The following GMPS variants were observed in gnomAD, a reference collection of about 807,000 sequenced individuals.
The protein encoded by GMPS is GMP synthase [glutamine-hydrolyzing].
In GMPS, 15 loss-of-function variants were observed where a neutral mutation model predicts 77.9. That is an observed-to-expected ratio of 0.19 (90% CI 0.13 to 0.30). The LOEUF is 0.30. GMPS is among the 10% of genes least tolerant of loss of function. The pLI is 1.00. For missense variants in GMPS, 590 were observed against 838.8 expected, an observed-to-expected ratio of 0.70 and a Z score of 3.66; for synonymous variants, 224 against 275.9, an observed-to-expected ratio of 0.81 and a Z score of 1.86.
At chr3:155,906,320 G>A in intron 5 of GMPS, 57 bp downstream of exon 5, 1 of 952,742 alleles carries the variant, frequency 1.0e-6, no homozygotes. Flanking sequence ...TGAAGAGTAA[G>A]CATATGCTTC....
chr3:155,928,648 T>C (rs370675524), intron 12 of GMPS, among the ~76,000 whole-genome samples: 2 of 149,760 alleles, frequency 1.3e-5, no homozygotes, highest in Non-Finnish European at 3.0e-5. Context: ...AACTCGTCAT[T>C]TAGCATTAGG....
intron 2 of GMPS, 69 bp from the exon 3 acceptor site, chr3:155,897,858 G>A: frequency 3.7e-6 from 3 of 812,138 alleles, no homozygotes; most frequent in Non-Finnish European, 6.5e-6. Flanking sequence ...AGTGGTACAA[G>A]GGAGAGAGGG....
At chr3:155,914,645 A>G (rs1755127522) in intron 8 of GMPS, 75 bp downstream of exon 8, 4 of 934,760 alleles carry the variant, frequency 4.3e-6, no homozygotes, top group African/African-American at 3.4e-5. Context: ...CCTTGTCACT[A>G]TATCAAATAA....
chr3:155,909,903 C>CT (rs1754984564), intron 5 of GMPS, among the ~76,000 whole-genome samples: 1 of 151,128 alleles, frequency 6.6e-6, no homozygotes, highest in South Asian at 2.1e-4. Context: ...GATTACACCT[C>CT]TGCACTCCAG....
In GMPS at chr3:155,938,693, ATAT is replaced by A; in HGVS notation, c.*1006_*1008del. ...GAGCTTTTAAATCTAATCTATAGAC[ATAT>A]TATTCATTGCTCAGACACCTGTGAA... On this transcript the variant is annotated 3_prime_UTR_variant, in exon 16 of 16. Coordinates refer to ENST00000496455, the MANE Select transcript of GMPS (RefSeq NM_003875.3). 4.9e-6 allele frequency: 1 copy of A among 202,148 alleles called. No homozygotes were observed. The highest frequency in any genetic ancestry group is 7.6e-5 in the East Asian group (1 of 13,076). The allele number at this position is 202,148 out of a possible 1,614,324, so 12.5% of individuals were successfully genotyped here.
At chr3:155,874,721 A>C (rs1753993292) in intron 1 of GMPS, among the ~76,000 whole-genome samples, 1 of 152,118 alleles carries the variant, frequency 6.6e-6, no homozygotes, top group East Asian at 1.9e-4. Flanking sequence ...AAAATAATTC[A>C]GTCTTTTAAG....
chr3:155,885,083 C>T (rs935995793), intron 1 of GMPS, among the ~76,000 whole-genome samples: 7 of 152,158 alleles, frequency 4.6e-5, no homozygotes, highest in African/African-American at 9.7e-5. Flanking sequence ...AAACAATATA[C>T]GTAACACGTA....
At chr3:155,882,164 A>G (rs1754221984) in intron 1 of GMPS, among the ~76,000 whole-genome samples, 1 of 152,216 alleles carries the variant, frequency 6.6e-6, no homozygotes, top group Non-Finnish European at 1.5e-5. Flanking sequence ...GCTTGAGCCC[A>G]GTGACAAAGG....
chr3:155,935,937 T>A (rs920090118), intron 14 of GMPS, among the ~76,000 whole-genome samples: 1 of 152,196 alleles, frequency 6.6e-6, no homozygotes, highest in Non-Finnish European at 1.5e-5. Flanking sequence ...TAAAACAAGG[T>A]TATATATTAA....
Position 155,870,748 on chromosome 3 carries a change from C to T in GMPS, c.-123C>T. On this transcript the variant is annotated 5_prime_UTR_variant, in exon 1 of 16. Transcript: ENST00000496455. Reference sequence around the variant, plus strand: ...TTTTCTGGCGGCTGGCTCCTCTCCGCTGCCGGCTGCTCCTCGACCAGGCCT... The same window carrying T: ...TTTTCTGGCGGCTGGCTCCTCTCCGTTGCCGGCTGCTCCTCGACCAGGCCT... The T allele has an allele frequency of 4.6e-6, 3 of 652,016 alleles. No individual in the cohort carries two copies. The highest frequency in any genetic ancestry group is 7.9e-6 in the Non-Finnish European group (3 of 380,566). 40.4% of individuals were successfully genotyped at this position (652,016 alleles called of 1,614,324 possible).
At chr3:155,929,123 C>T (rs528626457) in intron 12 of GMPS, among the ~76,000 whole-genome samples, 73 of 151,804 alleles carry the variant, frequency 4.8e-4, no homozygotes, top group African/African-American at 1.3e-3. Context: ...CTGATTTCCA[C>T]AATGGTTGAA....
intron 1 of GMPS, among the ~76,000 whole-genome samples, chr3:155,881,451 C>T (rs993734875): frequency 1.3e-5 from 2 of 152,016 alleles, no homozygotes; most frequent in East Asian, 1.9e-4. Flanking sequence ...GGGTTACAGG[C>T]GTGAGCCACT....
chr3:155,883,906 T>C (rs62286804), intron 1 of GMPS, among the ~76,000 whole-genome samples: 8,306 of 152,164 alleles, frequency 0.055, 317 homozygotes, highest in East Asian at 0.18. Flanking sequence ...TTTTCAAAAT[T>C]GTGTATGTTG....
At position 155,943,938 on chromosome 3, in the gene GMPS, A is replaced by C. The variant is rs948850411; in HGVS notation, c.*6246A>C. ...TAACGGGGGACATAATGGACATAAA[A>C]CATTGGATAGCTTTTTATTTAAATG... is the stretch of plus-strand genomic sequence containing the variant. On this transcript the variant is annotated 3_prime_UTR_variant, in exon 16 of 16. Coordinates refer to ENST00000496455, the MANE Select transcript of GMPS (RefSeq NM_003875.3). 4 of 152,290 alleles carry C rather than the reference A, an allele frequency of 2.6e-5. No individual in the cohort carries two copies. The highest frequency in any genetic ancestry group is 7.2e-5 in the African/African-American group (3 of 41,466). 9.4% of individuals were successfully genotyped at this position (152,290 alleles called of 1,614,324 possible).
At position 155,914,399 on chromosome 3, in the gene GMPS, G is replaced by A. The variant is rs370877543; in HGVS notation, c.887-20G>A. ...AAAACATGTTATACCAATTTAAAAC[G>A]CTTCTCCCCTTTCCTCCAGTGATAA... On this transcript the variant is annotated intron_variant, in intron 7 of 15. Coordinates refer to ENST00000496455, the MANE Select transcript of GMPS (RefSeq NM_003875.3). 68 of 1,495,692 alleles carry A rather than the reference G, an allele frequency of 4.5e-5. No individual in the cohort carries two copies. The highest frequency in any genetic ancestry group is 7.2e-5 in the African/African-American group (5 of 69,604). The allele number at this position is 1,495,692 out of a possible 1,614,324, so 92.7% of individuals were successfully genotyped here.
At chr3:155,907,106 C>T (rs975726384) in intron 5 of GMPS, among the ~76,000 whole-genome samples, 7 of 152,130 alleles carry the variant, frequency 4.6e-5, no homozygotes, top group African/African-American at 1.7e-4. Context: ...ACTTAACAGA[C>T]ATTAGCATAA....
At chr3:155,900,663 A>G (rs1311886690) in intron 3 of GMPS, among the ~76,000 whole-genome samples, 1 of 152,142 alleles carries the variant, frequency 6.6e-6, no homozygotes, top group Non-Finnish European at 1.5e-5. Context: ...TTGTTCTGTC[A>G]TTCACTAGGA....
intron 7 of GMPS, among the ~76,000 whole-genome samples, chr3:155,912,280 A>T (rs1755060849): frequency 6.6e-6 from 1 of 152,180 alleles, no homozygotes; most frequent in African/African-American, 2.4e-5. Context: ...AGGATGTGGG[A>T]TAGAGGAGAT....
chr3:155,933,509 T>C (rs1755681541), intron 13 of GMPS, among the ~76,000 whole-genome samples: 1 of 150,702 alleles, frequency 6.6e-6, no homozygotes. Flanking sequence ...CTGTATTGTT[T>C]AGAAAAATTA....
Sources: allele counts gnomAD v4.1 joint callset (sites outside exome capture counted in the v4.1 genomes callset), GRCh38; gene constraint gnomAD v4.1.1; transcripts MANE v1.5; gene names NCBI Gene and HGNC (gene_info 2026-07-23, HGNC 2026-07-21).